The following XRCC3 variants were observed in gnomAD, a reference collection of about 807,000 sequenced individuals.
XRCC3 encodes the protein DNA repair protein XRCC3.
In XRCC3, 34 loss-of-function variants were observed where a neutral mutation model predicts 29.2. That is an observed-to-expected ratio of 1.16 (90% CI 0.88 to 1.55). XRCC3 has a LOEUF of 1.55. Ranked by LOEUF, XRCC3 falls within the 40% of genes most tolerant of loss-of-function variation. The pLI is 0.00. For missense variants in XRCC3, 463 were observed against 467.6 expected, an observed-to-expected ratio of 0.99 and a Z score of 0.09; for synonymous variants, 223 against 211.3, an observed-to-expected ratio of 1.06 and a Z score of -0.48.
chr14:103,700,998 C>T (rs1275927485), intron 7 of XRCC3, among the ~76,000 whole-genome samples: 1 of 152,222 alleles, frequency 6.6e-6, no homozygotes, highest in Non-Finnish European at 1.5e-5. Flanking sequence ...CAGACGCAGG[C>T]CTTTGGTGCT....
In XRCC3 at chr14:103,698,588, A is replaced by G. The variant is rs1363110424; in HGVS notation, c.*210T>C. 4.9e-6 allele frequency: 3 copies of G among 606,408 alleles called. No homozygotes were observed. The highest frequency in any genetic ancestry group is 5.5e-5 in the Admixed American group (2 of 36,294). The allele number at this position is 606,408 out of a possible 1,614,324, so 37.6% of individuals were successfully genotyped here. A position where few individuals can be genotyped will look rare whatever the true frequency, so the allele number is the denominator to read the frequency against. The stretch of plus-strand genomic sequence containing the variant: ...ACCCAGCAAGCGGGCCTGTCCCCAG[A>G]CCCAGGGAGAGGCAGAACATCCCCC... On this transcript the variant is annotated 3_prime_UTR_variant, in exon 10 of 10. Transcript: ENST00000555055.
In XRCC3 at chr14:103,698,967, TG is replaced by T; in HGVS notation, c.871del (p.Gln291SerfsTer4). On this transcript the variant is annotated frameshift_variant, in exon 10 of 10. Transcript: ENST00000555055. LOFTEE classifies it low-confidence loss of function (END_TRUNC). ...SPALGITWANQLLVRLLADRL... is the reference protein window; with the variant it reads ...SPALGITWANXLLVRLLADRL... ...GTCAGCCAGCAGTCTCACCAGGAGC[TG>T]GTTAGCCCAGGTTATGCCAAGGGCT... 6.2e-7 allele frequency: 1 copy of T among 1,600,732 alleles called. No individual in the cohort carries two copies. The highest frequency in any genetic ancestry group is 8.5e-7 in the Non-Finnish European group (1 of 1,173,868).
intron 7 of XRCC3, 71 bp from the exon 8 acceptor site, chr14:103,699,647 A>G (rs2082947648): frequency 6.6e-7 from 1 of 1,510,958 alleles, no homozygotes; most frequent in East Asian, 2.3e-5. Flanking sequence ...CCCCGTTTGG[A>G]CTGTCACTCG....
chr14:103,700,724 T>C, intron 7 of XRCC3: 1 of 1,597,570 alleles, frequency 6.3e-7, no homozygotes, highest in East Asian at 2.3e-5. Flanking sequence ...ACGCCACCGC[T>C]AACGTGAGTC....
chr14:103,710,121 TG>T (rs1221895302), intron 4 of XRCC3: 1 of 152,300 alleles, frequency 6.6e-6, no homozygotes, highest in African/African-American at 2.4e-5. Context: ...GGGCAGGGGC[TG>T]CACGTGGGGC....
rs2151931460 is a variant in XRCC3 at position 103,703,303 on chromosome 14, T to C, written c.431A>G (p.Asp144Gly). ...CTGCAGGCGCTTGTGCGGGAAGGCG[T>C]CTTCCGTGCAGATGTAGACGGCTCC... ...EAGAVYICTE[D>G]AFPHKRLQQL... The change falls in exon 7 of 10, where the codon GAC (aspartate) becomes GGC (glycine). Residue 144 changes from aspartate to glycine, a missense_variant. Transcript: ENST00000555055. The C allele has an allele frequency of 6.4e-7, 1 of 1,554,664 alleles. No individual in the cohort carries two copies. The highest frequency in any genetic ancestry group is 8.7e-7 in the Non-Finnish European group (1 of 1,152,566).
intron 5 of XRCC3, chr14:103,707,630 A>G (rs1019020732): frequency 3.2e-6 from 1 of 316,002 alleles, no homozygotes; most frequent in South Asian, 3.0e-5. Context: ...GCAGGCGCGC[A>G]CACATGCACA....
chr14:103,703,235 C>T lies in XRCC3; in HGVS notation c.499G>A (p.Gly167Arg), dbSNP rs1595655750. 1.9e-6 allele frequency: 3 copies of T among 1,566,574 alleles called. No individual in the cohort carries two copies. The highest frequency in any genetic ancestry group is 2.6e-6 in the Non-Finnish European group (3 of 1,156,136). ...QQPRLRTDVP[G>R]ELLQKLRFGS... is the part of the protein sequence containing the mutation. ...AATCGGAGCTTCTGAAGCAGCTCTC[C>T]TGGAACGTCAGTGCGCAGCCGCGGC... Residue 167 changes from glycine (G) to arginine (R), a missense_variant, in exon 7 of 10, where the codon GGA becomes AGA. By Grantham distance (125) the Gly-to-Arg change is moderately radical. Transcript: ENST00000555055.
Position 103,700,672 on chromosome 14 carries a change from C to T in XRCC3, c.562-1096G>A, listed in dbSNP as rs943699838. The T allele has an allele frequency of 8.1e-6, 13 of 1,607,880 alleles. No homozygotes were observed. The African/African-American group carries it at 1.5e-4, about 18-fold the overall frequency. ...ATCTCCAGGGCGTCTCTGGCCGAGC[C>T]TCTTTTTGTGGAAAACGACAGCAGC... On this transcript the variant is annotated intron_variant, in intron 7 of 9. Coordinates refer to ENST00000555055, the MANE Select transcript of XRCC3 (RefSeq NM_005432.4).
chr14:103,701,982 A>C (rs976786513), intron 7 of XRCC3: 3 of 152,134 alleles, frequency 2.0e-5, no homozygotes, highest in African/African-American at 7.2e-5. Context: ...CACAGGGTGG[A>C]ATTTCCTTAC....
In XRCC3 at chr14:103,698,601, C is replaced by G; in HGVS notation, c.*197G>C. 1.6e-6 allele frequency: 1 copy of G among 620,678 alleles called. No individual in the cohort carries two copies. 38.4% of individuals were successfully genotyped at this position (620,678 alleles called of 1,614,324 possible). A position where few individuals can be genotyped will look rare whatever the true frequency, so the allele number is the denominator to read the frequency against. ...GCCTGTCCCCAGACCCAGGGAGAGG[C>G]AGAACATCCCCCCAGCTCAGATGGG... On this transcript the variant is annotated 3_prime_UTR_variant, in exon 10 of 10. Transcript: ENST00000555055.
At chr14:103,704,682 G>A (rs947871558) in intron 6 of XRCC3, 4 of 152,212 alleles carry the variant, frequency 2.6e-5, no homozygotes, top group African/African-American at 9.7e-5. Context: ...AAAGTGCTGG[G>A]ATTACAGGCA....
intron 7 of XRCC3, chr14:103,701,225 G>C (rs2083174262): frequency 1.3e-6 from 2 of 1,550,326 alleles, no homozygotes; most frequent in African/African-American, 1.4e-5. Flanking sequence ...CCCCGCTCCA[G>C]GATGGGACTG....
intron 4 of XRCC3, chr14:103,710,194 C>G (rs1460032663): frequency 2.0e-5 from 3 of 152,230 alleles, no homozygotes; most frequent in South Asian, 2.1e-4. Flanking sequence ...AAAACCATCC[C>G]CTGCACCACC....
At chr14:103,700,134 G>A (rs1025827507) in intron 7 of XRCC3, 17 of 206,894 alleles carry the variant, frequency 8.2e-5, no homozygotes, top group Non-Finnish European at 1.5e-4. Context: ...CTGCCAAGGC[G>A]TGGGGCACTC....
At chr14:103,700,914 G>T (rs1233112155) in intron 7 of XRCC3, among the ~76,000 whole-genome samples, 1 of 152,230 alleles carries the variant, frequency 6.6e-6, no homozygotes, top group Non-Finnish European at 1.5e-5. Context: ...CACAGAGTGG[G>T]GGGGTGGGAA....
At chr14:103,707,417 CAG>C (rs2083473611) in intron 5 of XRCC3, 8 of 658,284 alleles carry the variant, frequency 1.2e-5, no homozygotes, top group East Asian at 2.7e-5. Context: ...GATGCAGAGT[CAG>C]GGGGAGCCCC....
chr14:103,714,653 A>C (rs1200713756), intron 1 of XRCC3, among the ~76,000 whole-genome samples: 2 of 152,218 alleles, frequency 1.3e-5, no homozygotes, highest in Non-Finnish European at 2.9e-5. Flanking sequence ...AAGGAATTAA[A>C]GGCAGGATGA....
chr14:103,714,977 C>A (rs1404852903), intron 1 of XRCC3, among the ~76,000 whole-genome samples: 1 of 152,266 alleles, frequency 6.6e-6, no homozygotes, highest in Non-Finnish European at 1.5e-5. Context: ...AGCCACCGCG[C>A]CCGGCCTAAA....
Sources: allele counts gnomAD v4.1 joint callset (sites outside exome capture counted in the v4.1 genomes callset), GRCh38; gene constraint gnomAD v4.1.1; transcripts MANE v1.5; gene names NCBI Gene and HGNC (gene_info 2026-07-23, HGNC 2026-07-21).